PCGF3: variants seen among roughly 807,000 people sequenced by gnomAD.
PCGF3 encodes polycomb group ring finger 3.
PCGF3 carries 7 observed loss-of-function variants against 33.1 expected under a neutral mutation model. The ratio of observed to expected loss-of-function variants is 0.21; its 90% CI spans 0.12 to 0.40. The LOEUF is 0.40. Ranked by LOEUF, PCGF3 falls within the 10% of genes least tolerant of loss-of-function variation. The pLI is 1.00. For synonymous variants in PCGF3, 153 were observed against 121.3 expected (o/e 1.26, Z -1.72); for missense variants, 211 against 313.3 (o/e 0.67, Z 2.46).
At chr4:736,598 G>T (rs1334163623) in intron 5 of PCGF3, among the ~76,000 whole-genome samples, 3 of 111,776 alleles carry the variant, frequency 2.7e-5, no homozygotes, top group Non-Finnish European at 3.8e-5. Context: ...AGGGAACCTG[G>T]GGTGTCCGCA....
exon 11 of PCGF3, chr4:769,411 A>G (rs983864367): frequency 2.6e-5 from 4 of 152,726 alleles, no homozygotes; most frequent in African/African-American, 9.6e-5. Flanking sequence ...TTTAGTGCAC[A>G]TAGCTAAATC....
chr4:714,248 G>A lies in PCGF3; in HGVS notation c.-190+8278G>A, dbSNP rs1388830828. On this transcript the variant is annotated intron_variant, in intron 1 of 10. Transcript: ENST00000362003. ...GCGTTCTGTGGTTTGTCAGCTGCTC[G>A]GCCTAAGGTGCTTCGGTCGCAGCCG... Among the ~76,000 whole-genome samples, 6 of 152,206 alleles carry A rather than the reference G, an allele frequency of 3.9e-5. No homozygotes were observed. The South Asian group carries it at 1.0e-3, about 26-fold the overall frequency.
At chr4:727,225 G>C (rs895644001) in intron 1 of PCGF3, among the ~76,000 whole-genome samples, 4 of 142,390 alleles carry the variant, frequency 2.8e-5, no homozygotes, top group Non-Finnish European at 6.2e-5. Context: ...GTGTGTGTTA[G>C]CGAGCGTCTT....
rs78022324 is a variant in PCGF3, at chr4:748,902, C to T, written c.462+4214C>T. 1.1e-3 allele frequency among the ~76,000 whole-genome samples: 164 copies of T among 152,158 alleles called. 1 individual carries two copies. In the East Asian group the frequency reaches 0.012, roughly 11 times the overall value. On this transcript the variant is annotated intron_variant, in intron 8 of 10. Coordinates refer to ENST00000362003, the Ensembl canonical transcript of PCGF3. ...AACCCCCTGGGATCTCGTGGAAATT[C>T]AGTTTTGGGGTCTGCTGGGTGGGCT...
intron 8 of PCGF3, among the ~76,000 whole-genome samples, chr4:751,477 G>A (rs1254138177): frequency 6.6e-6 from 1 of 152,168 alleles, no homozygotes; most frequent in East Asian, 1.9e-4. Flanking sequence ...GCCCAGTGCG[G>A]TGGCCCCTGA....
At chr4:758,491 G>GTT (rs1744883356) in intron 8 of PCGF3, among the ~76,000 whole-genome samples, 3 of 127,088 alleles carry the variant, frequency 2.4e-5, no homozygotes, top group Non-Finnish European at 4.9e-5. Flanking sequence ...CCTCTCCCGA[G>GTT]CTCTTCTCGC....
At chr4:729,282 G>C (rs1421198192) in intron 1 of PCGF3, among the ~76,000 whole-genome samples, 1 of 151,810 alleles carries the variant, frequency 6.6e-6, no homozygotes, top group African/African-American at 2.4e-5. Flanking sequence ...AGGTGTGGTG[G>C]TGCATGCTTG....
exon 11 of PCGF3, chr4:769,307 A>T (rs1461453486): frequency 1.3e-5 from 2 of 152,724 alleles, no homozygotes; most frequent in African/African-American, 4.8e-5. Context: ...AGCGATTCAA[A>T]GGGTGGCATT....
At chr4:751,288 T>A (rs754072808) in intron 8 of PCGF3, among the ~76,000 whole-genome samples, 7 of 152,228 alleles carry the variant, frequency 4.6e-5, no homozygotes, top group Non-Finnish European at 7.3e-5. Context: ...TGGGTAATTT[T>A]AAAATTTTAT....
At chr4:767,062 C>G (rs1364268265) in exon 11 of PCGF3, 1 of 152,384 alleles carries the variant, frequency 6.6e-6, no homozygotes, top group Non-Finnish European at 1.5e-5. Flanking sequence ...CCCCGTCTGT[C>G]CAAGGCCTCC....
Position 721,452 on chromosome 4 carries a change from C to T in PCGF3, c.-189-9178C>T, listed in dbSNP as rs989911654. ...AGGCTGGGCTGGGCAGTCAGCCAGA[C>T]GGGAAAGGGGGCTGAGGCGTCCAGG... On this transcript the variant is annotated intron_variant, in intron 1 of 10. Transcript: ENST00000362003. This position sits in a 1 kb window ranked among gnomAD's most constrained non-coding sequence, Gnocchi z 4.1. Among the ~76,000 whole-genome samples the T allele has an allele frequency of 1.1e-4, 16 of 152,064 alleles. No homozygotes were observed. The highest frequency in any genetic ancestry group is 2.1e-4 in the South Asian group (1 of 4,830).
intron 7 of PCGF3, 44 bp from the exon 8 acceptor site, chr4:744,556 C>A: frequency 7.1e-7 from 1 of 1,409,878 alleles, no homozygotes; most frequent in Non-Finnish European, 9.8e-7. Context: ...AATGGCTTGA[C>A]AGTTTGGATT....
In PCGF3 at chr4:753,854, T is replaced by C. The variant is rs143787466; in HGVS notation, c.463-7425T>C. ...TCCCAGCTACTCGGAGGCTGAGGCATGAGAATCGCTTGAACTTGCAGTGAG... is the reference window on the plus strand; with the variant it reads ...TCCCAGCTACTCGGAGGCTGAGGCACGAGAATCGCTTGAACTTGCAGTGAG... On this transcript the variant is annotated intron_variant, in intron 8 of 10. Transcript: ENST00000362003. 1.6e-3 allele frequency among the ~76,000 whole-genome samples: 244 copies of C among 151,654 alleles called. 7 individuals are homozygous for C. The East Asian group carries it at 0.046, about 29-fold the overall frequency.
At chr4:709,031 G>A (rs1742452364) in intron 1 of PCGF3, among the ~76,000 whole-genome samples, 1 of 152,194 alleles carries the variant, frequency 6.6e-6, no homozygotes, top group African/African-American at 2.4e-5. Context: ...ATGAAAAAGT[G>A]GGGTGCATGA....
At chr4:737,305 A>G (rs531626891) in intron 5 of PCGF3, among the ~76,000 whole-genome samples, 161 bp from the exon 6 acceptor site, 2 of 152,342 alleles carry the variant, frequency 1.3e-5, no homozygotes, top group South Asian at 2.1e-4. Flanking sequence ...CAGCTCATAC[A>G]TGGCTTTTGG....
chr4:736,294 C>T (rs964383082), intron 5 of PCGF3, among the ~76,000 whole-genome samples: 3 of 152,146 alleles, frequency 2.0e-5, no homozygotes, highest in South Asian at 4.1e-4. Context: ...GTCATCTGCC[C>T]GCCTCAGTCT....
At chr4:726,327 C>T (rs1169062497) in intron 1 of PCGF3, among the ~76,000 whole-genome samples, 3 of 152,218 alleles carry the variant, frequency 2.0e-5, no homozygotes, top group East Asian at 1.9e-4. Flanking sequence ...GAATATCGTG[C>T]GGCCCCAGGC....
Position 743,454 on chromosome 4 carries a change from T to A in PCGF3, c.263-20T>A. ...ATCCACTGCCTGTGAGATGAAAGAC[T>A]GTGTGTTGATTTTCCGCAGCGGAAA... On this transcript the variant is annotated intron_variant, in intron 6 of 10. Transcript: ENST00000362003. The A allele has an allele frequency of 7.0e-7, 1 of 1,422,824 alleles. No homozygotes were observed. Among genetic ancestry groups the A allele is most frequent in the Non-Finnish European group, 9.9e-7 (1 of 1,005,624 alleles). The allele number at this position is 1,422,824 out of a possible 1,614,324, so 88.1% of individuals were successfully genotyped here.
chr4:711,671 A>T (rs1194662351), intron 1 of PCGF3, among the ~76,000 whole-genome samples: 1 of 151,050 alleles, frequency 6.6e-6, no homozygotes, highest in Non-Finnish European at 1.5e-5. Context: ...GTTAGCCAGG[A>T]TGGTCTCGAT....
Sources: allele counts gnomAD v4.1 joint callset (sites outside exome capture counted in the v4.1 genomes callset), GRCh38; gene constraint gnomAD v4.1.1; non-coding constraint Gnocchi (gnomAD v3.1); transcripts MANE v1.5; gene names NCBI Gene and HGNC (gene_info 2026-07-23, HGNC 2026-07-21).